The following WWTR1 variants were observed in gnomAD, a reference collection of about 807,000 sequenced individuals.
WWTR1 encodes the protein WW domain-containing transcription regulator protein 1.
A neutral mutation model predicts 40.1 loss-of-function variants in WWTR1; 13 were observed. The observed-to-expected ratio is 0.32, with a 90% CI of 0.21 to 0.52. WWTR1 has a LOEUF of 0.52. Ranked by LOEUF, WWTR1 falls within the 20% of genes least tolerant of loss-of-function variation. The probability of loss-of-function intolerance (pLI) is 0.97; values close to 1 mark genes in which losing one functional copy is unlikely to be tolerated. For synonymous variants in WWTR1, 230 were observed against 210.1 expected, an observed-to-expected ratio of 1.09 and a Z score of -0.82; for missense variants, 436 against 523.1, an observed-to-expected ratio of 0.83 and a Z score of 1.63.
chr3:149,517,882 T>C lies in WWTR1; in HGVS notation c.*2923A>G, dbSNP rs1173103883. ...AAATTATTTTTCATTTGATACGCCTTTTCTGTGACAAAATTTTGGGGTGAA... is the reference window on the plus strand; with the variant it reads ...AAATTATTTTTCATTTGATACGCCTCTTCTGTGACAAAATTTTGGGGTGAA... On this transcript the variant is annotated 3_prime_UTR_variant, in exon 7 of 7. Coordinates refer to ENST00000360632, the MANE Select transcript of WWTR1 (RefSeq NM_015472.6). 1 of 152,166 alleles carries C rather than the reference T, an allele frequency of 6.6e-6. No individual in the cohort carries two copies. Among genetic ancestry groups the C allele is most frequent in the African/African-American group, 2.4e-5 (1 of 41,444 alleles). The allele number at this position is 152,166 out of a possible 1,614,324, so 9.4% of individuals were successfully genotyped here.
At chr3:149,692,799 A>C (rs965092927) in intron 1 of WWTR1, among the ~76,000 whole-genome samples, 34 of 152,092 alleles carry the variant, frequency 2.2e-4, no homozygotes, top group African/African-American at 8.0e-4. Flanking sequence ...GCACACAGCT[A>C]ATTTTTGTAT....
intron 2 of WWTR1, among the ~76,000 whole-genome samples, chr3:149,577,754 C>G (rs1026665904): frequency 6.6e-6 from 1 of 152,144 alleles, no homozygotes; most frequent in Non-Finnish European, 1.5e-5. Flanking sequence ...TTTTATTTAA[C>G]AGGTAAATTG....
intron 2 of WWTR1, among the ~76,000 whole-genome samples, chr3:149,600,324 C>A (rs957955501): frequency 6.6e-6 from 1 of 152,092 alleles, no homozygotes; most frequent in Admixed American, 6.5e-5. Context: ...ACACAGTCCC[C>A]GATGGGAATA....
At chr3:149,559,496 A>T (rs1419359056) in intron 3 of WWTR1, among the ~76,000 whole-genome samples, 1 of 152,164 alleles carries the variant, frequency 6.6e-6, no homozygotes, top group Non-Finnish European at 1.5e-5. Flanking sequence ...CAAACAATTA[A>T]CAAAGGCAGA....
chr3:149,691,707 C>T (rs865999257), intron 1 of WWTR1, among the ~76,000 whole-genome samples: 3 of 152,090 alleles, frequency 2.0e-5, no homozygotes, highest in Non-Finnish European at 4.4e-5. Context: ...GGCTTCGCTG[C>T]TAATTTTTAC....
intron 2 of WWTR1, among the ~76,000 whole-genome samples, chr3:149,639,728 T>C (rs184677360): frequency 1.2e-4 from 19 of 152,248 alleles, no homozygotes; most frequent in African/African-American, 4.3e-4. Context: ...GTGCAGTGGC[T>C]CACGCCTGTA....
chr3:149,661,666 C>T (rs955353010), upstream of WWTR1, among the ~76,000 whole-genome samples: 1 of 151,822 alleles, frequency 6.6e-6, no homozygotes, highest in Non-Finnish European at 1.5e-5. Flanking sequence ...TCAAGTGATC[C>T]GCCCACCTTG....
At chr3:149,525,325 G>A (rs1735248584) in intron 6 of WWTR1, among the ~76,000 whole-genome samples, 1 of 152,132 alleles carries the variant, frequency 6.6e-6, no homozygotes, top group African/African-American at 2.4e-5. Context: ...AGGAGAAAGG[G>A]TGGCCCATAT....
chr3:149,556,641 G>A (rs146698790), intron 3 of WWTR1, among the ~76,000 whole-genome samples: 21 of 152,170 alleles, frequency 1.4e-4, no homozygotes, highest in African/African-American at 4.1e-4. Flanking sequence ...AATGCCTCTC[G>A]GTTTGTTGTC....
chr3:149,570,115 G>C (rs894984091), intron 3 of WWTR1, among the ~76,000 whole-genome samples: 4 of 152,166 alleles, frequency 2.6e-5, no homozygotes, highest in Admixed American at 2.6e-4. Flanking sequence ...ATTAAGTCCT[G>C]GTCTTTGGAA....
exon 4 of WWTR1, chr3:149,724,210 T>C (rs1397899524): frequency 6.6e-6 from 1 of 152,182 alleles, no homozygotes; most frequent in Non-Finnish European, 1.5e-5. Context: ...GTGAAAAATT[T>C]CAAACCTAAA....
chr3:149,670,371 T>C (rs1576634124), intron 1 of WWTR1, among the ~76,000 whole-genome samples: 1 of 152,294 alleles, frequency 6.6e-6, no homozygotes, highest in East Asian at 1.9e-4. Context: ...GGGCGATTAA[T>C]GAGACAAACC....
At chr3:149,578,833 G>C (rs1040691997) in intron 2 of WWTR1, among the ~76,000 whole-genome samples, 2 of 152,064 alleles carry the variant, frequency 1.3e-5, no homozygotes, top group African/African-American at 4.8e-5. Flanking sequence ...TGAGCTGAGA[G>C]AGCGCCATTA....
chr3:149,685,610 T>A (rs1209266261), intron 1 of WWTR1, among the ~76,000 whole-genome samples: 1 of 152,224 alleles, frequency 6.6e-6, no homozygotes, highest in Non-Finnish European at 1.5e-5. Context: ...CATTTTGGAA[T>A]CATTTTGTAA....
chr3:149,536,431 G>A (rs1039004369), intron 4 of WWTR1, among the ~76,000 whole-genome samples: 5 of 151,256 alleles, frequency 3.3e-5, no homozygotes, highest in Non-Finnish European at 7.4e-5. Flanking sequence ...GCTCCAATAC[G>A]ACACTCTCCT....
At chr3:149,671,313 A>C (rs895672340) in intron 1 of WWTR1, among the ~76,000 whole-genome samples, 1 of 152,210 alleles carries the variant, frequency 6.6e-6, no homozygotes, top group Non-Finnish European at 1.5e-5. Flanking sequence ...AACACTGTCT[A>C]AGGTGACCTA....
chr3:149,684,555 A>T, intron 1 of WWTR1, among the ~76,000 whole-genome samples: 1 of 146,522 alleles, frequency 6.8e-6, no homozygotes, highest in South Asian at 2.1e-4. Flanking sequence ...CTCATATCTC[A>T]TTATTCTTTT....
chr3:149,698,076 G>A (rs1417574242), intron 1 of WWTR1, among the ~76,000 whole-genome samples: 2 of 152,262 alleles, frequency 1.3e-5, no homozygotes, highest in South Asian at 4.1e-4. Context: ...TTGGAGTTGA[G>A]TACTTGCATG....
intron 2 of WWTR1, among the ~76,000 whole-genome samples, chr3:149,645,091 T>A (rs1971539): frequency 0.073 from 11,059 of 151,818 alleles, 952 homozygotes; most frequent in African/African-American, 0.21. Context: ...TTTATTTTTT[T>A]TTTTTTGAGA....
Sources: gnomAD v4.1 joint callset for allele counts (sites outside exome capture counted in the v4.1 genomes callset) on GRCh38, gnomAD v4.1.1 for gene constraint, MANE v1.5 for transcripts, NCBI Gene and HGNC (gene_info 2026-07-23, HGNC 2026-07-21) for gene names.